Variants in RTN3 observed in about 807,000 individuals in gnomAD.
RTN3 encodes reticulon 3, also known as reticulon-3.
RTN3 carries 49 observed loss-of-function variants against 77.8 expected under a neutral mutation model. The observed-to-expected ratio is 0.63, with a 90% CI of 0.50 to 0.80. RTN3 has a LOEUF of 0.80. RTN3 is among the 30% of genes least tolerant of loss of function. RTN3 has a pLI of 0.00. For synonymous variants in RTN3, 464 were observed against 446.9 expected, an observed-to-expected ratio of 1.04 and a Z score of -0.48; for missense variants, 1,236 against 1,211.9, an observed-to-expected ratio of 1.02 and a Z score of -0.29.
At chr11:63,715,089 T>G (rs1214320832) in intron 2 of RTN3, among the ~76,000 whole-genome samples, 1 of 152,234 alleles carries the variant, frequency 6.6e-6, no homozygotes, top group African/African-American at 2.4e-5. Flanking sequence ...GGTTGCTTTC[T>G]TTTTTGTTTA....
chr11:63,753,030 A>G (rs571034179), intron 5 of RTN3, 39 bp from the exon 6 acceptor site: 13 of 1,593,294 alleles, frequency 8.2e-6, no homozygotes, highest in African/African-American at 6.7e-5. Context: ...ATTTTGCCTT[A>G]CGGTTATTCC....
chr11:63,746,884 C>G (rs765271500), intron 3 of RTN3: 1 of 441,858 alleles, frequency 2.3e-6, no homozygotes, highest in Non-Finnish European at 4.6e-6. Flanking sequence ...TTATATAGTA[C>G]ACATTTAAAT....
intron 2 of RTN3, among the ~76,000 whole-genome samples, chr11:63,708,592 A>G (rs1374715533): frequency 4.6e-5 from 7 of 152,196 alleles, no homozygotes; most frequent in Admixed American, 3.3e-4. Context: ...AGGCAGTTAA[A>G]GTTTTTAAAA....
At chr11:63,735,448 G>T (rs904199137) in intron 3 of RTN3, among the ~76,000 whole-genome samples, 4 of 152,060 alleles carry the variant, frequency 2.6e-5, no homozygotes, top group South Asian at 2.1e-4. Context: ...GAGGAGAGAG[G>T]TGCTATGTTC....
intron 1 of RTN3, among the ~76,000 whole-genome samples, chr11:63,687,076 G>T (rs548049479): frequency 6.6e-6 from 1 of 152,248 alleles, no homozygotes; most frequent in African/African-American, 2.4e-5. Flanking sequence ...TGTGTTTTGA[G>T]TTAACCCTTA....
intron 3 of RTN3, among the ~76,000 whole-genome samples, chr11:63,733,961 TAC>T (rs746463656): frequency 5.9e-5 from 9 of 151,926 alleles, no homozygotes; most frequent in East Asian, 1.9e-4. Context: ...CATATATATA[TAC>T]ACACACACAT....
Position 63,718,812 on chromosome 11 carries a change from A to G in RTN3, c.310A>G (p.Lys104Glu), listed in dbSNP as rs143534933. 487 of 1,614,106 alleles carry G rather than the reference A, an allele frequency of 3.0e-4. 2 individuals are homozygous for G. In the African/African-American group the frequency reaches 5.4e-3, roughly 18 times the overall value. The change falls in exon 3 of 9, where the codon AAA becomes GAA. Residue 104 changes from lysine (K) to glutamate (E), a missense_variant. Physicochemically the swap from Lys to Glu is moderately conservative, Grantham distance 56. This residue lies in a region of RTN3 where 1,056 missense variants were observed against 990.4 expected (regional missense o/e 1.07). Transcript: ENST00000377819. ...TGGCCTTACAATACTACATGGAGAAAAAAGCCATGTGTTAGGGAGCCAGCC... is the reference window on the plus strand; with the variant it reads ...TGGCCTTACAATACTACATGGAGAAGAAAGCCATGTGTTAGGGAGCCAGCC... ...NTGLTILHGEKSHVLGSQPIL... is the reference protein window; with the variant it reads ...NTGLTILHGEESHVLGSQPIL...
At chr11:63,727,476 C>G (rs1403241991) in intron 3 of RTN3, among the ~76,000 whole-genome samples, 1 of 149,466 alleles carries the variant, frequency 6.7e-6, no homozygotes, top group South Asian at 2.1e-4. Context: ...GAAATCGAAA[C>G]AAAAAAGAGT....
At chr11:63,753,033 G>T in intron 5 of RTN3, 36 bp from the exon 6 acceptor site, 1 of 1,600,010 alleles carries the variant, frequency 6.2e-7, no homozygotes, top group Non-Finnish European at 8.6e-7. Context: ...TTGCCTTACG[G>T]TTATTCCTGC....
chr11:63,741,698 G>A (rs984719383), intron 3 of RTN3, among the ~76,000 whole-genome samples: 1 of 150,024 alleles, frequency 6.7e-6, no homozygotes, highest in Non-Finnish European at 1.5e-5. Flanking sequence ...ATGGGGTTCT[G>A]CCGTGTTGGC....
At chr11:63,732,939 C>T (rs915843030) in intron 3 of RTN3, among the ~76,000 whole-genome samples, 3 of 152,076 alleles carry the variant, frequency 2.0e-5, no homozygotes, top group African/African-American at 7.2e-5. Context: ...CAGATCATAC[C>T]AGCAACATAA....
intron 3 of RTN3, among the ~76,000 whole-genome samples, chr11:63,739,416 AG>A (rs1167912718): frequency 8.5e-5 from 13 of 152,222 alleles, no homozygotes; most frequent in African/African-American, 3.1e-4. Context: ...GGAAGAGACT[AG>A]CCAAGGCTTC....
chr11:63,707,463 TCTTC>T (rs947523185), intron 2 of RTN3, among the ~76,000 whole-genome samples: 7 of 152,194 alleles, frequency 4.6e-5, no homozygotes, highest in African/African-American at 1.7e-4. Context: ...ATACACTTAT[TCTTC>T]CTTTTTGCCT....
chr11:63,724,996 A>G (rs750606767), intron 3 of RTN3, among the ~76,000 whole-genome samples: 2 of 151,668 alleles, frequency 1.3e-5, no homozygotes, highest in African/African-American at 2.4e-5. Context: ...GGAAAAATAT[A>G]GAAAAGTACA....
intron 1 of RTN3, among the ~76,000 whole-genome samples, chr11:63,692,383 T>A (rs1941707737): frequency 6.6e-6 from 1 of 152,108 alleles, no homozygotes; most frequent in Non-Finnish European, 1.5e-5. Flanking sequence ...CTGTTCACTC[T>A]GCCTAGAATG....
At chr11:63,705,497 C>G (rs1942455420) in intron 2 of RTN3, among the ~76,000 whole-genome samples, 1 of 152,124 alleles carries the variant, frequency 6.6e-6, no homozygotes, top group Non-Finnish European at 1.5e-5. Context: ...CCACCAACAG[C>G]AACAAAATTG....
chr11:63,685,847 A>G (rs1351467543), intron 1 of RTN3, among the ~76,000 whole-genome samples: 2 of 152,186 alleles, frequency 1.3e-5, no homozygotes, highest in South Asian at 2.1e-4. Context: ...TGACCTGTCC[A>G]GTAATTAATT....
chr11:63,725,064 G>A (rs766424606), intron 3 of RTN3, among the ~76,000 whole-genome samples: 31 of 151,436 alleles, frequency 2.0e-4, no homozygotes, highest in Admixed American at 3.3e-4. Flanking sequence ...TTAATTGTTA[G>A]CATTGGTAGT....
intron 3 of RTN3, among the ~76,000 whole-genome samples, chr11:63,729,079 C>A (rs1247499882): frequency 6.6e-6 from 1 of 150,444 alleles, no homozygotes; most frequent in South Asian, 2.1e-4. Flanking sequence ...AGGAAAAAAA[C>A]AACAAAAAAA....
Sources: allele counts gnomAD v4.1 joint callset (sites outside exome capture counted in the v4.1 genomes callset), GRCh38; gene constraint gnomAD v4.1.1; regional missense constraint gnomAD v4.1.1; transcripts MANE v1.5; gene names NCBI Gene and HGNC (gene_info 2026-07-23, HGNC 2026-07-21).